Variants in LDLRAD3 observed in about 807,000 individuals in gnomAD.
LDLRAD3 encodes the protein low density lipoprotein receptor class A domain containing 3.
Under a neutral mutation model 29.4 loss-of-function variants are expected in LDLRAD3, and 20 were observed. The ratio of observed to expected loss-of-function variants is 0.68; its 90% confidence interval spans 0.48 to 0.99. The LOEUF (loss-of-function observed/expected upper bound fraction) is 0.99, where lower values mean the gene tolerates loss of function less well. LDLRAD3 is among the 50% of genes least tolerant of loss of function. LDLRAD3 has a pLI of 0.00. For missense variants in LDLRAD3, 420 were observed against 454.3 expected, an observed-to-expected ratio of 0.92 and a Z score of 0.69; for synonymous variants, 157 against 192.7, an observed-to-expected ratio of 0.81 and a Z score of 1.53.
chr11:35,997,250 G>T, intron 1 of LDLRAD3: 1 of 326,038 alleles, frequency 3.1e-6, no homozygotes, highest in South Asian at 3.1e-5. Flanking sequence ...GCAGCCATCA[G>T]CATTGCAGCT....
At chr11:36,005,905 C>T (rs1851879221) in intron 1 of LDLRAD3, among the ~76,000 whole-genome samples, 1 of 152,148 alleles carries the variant, frequency 6.6e-6, no homozygotes, top group Non-Finnish European at 1.5e-5. Context: ...TTTAAAGCAT[C>T]AGATCTCATG....
intron 2 of LDLRAD3, among the ~76,000 whole-genome samples, chr11:36,078,222 G>A (rs373847671): frequency 9.2e-5 from 14 of 152,164 alleles, no homozygotes; most frequent in African/African-American, 3.1e-4. Context: ...CCACAGCCTG[G>A]CCCTCAGGCC....
At chr11:36,049,575 G>A (rs1171228608) in intron 2 of LDLRAD3, among the ~76,000 whole-genome samples, 1 of 152,140 alleles carries the variant, frequency 6.6e-6, no homozygotes, top group Admixed American at 6.5e-5. Flanking sequence ...CTTTTGACAT[G>A]GTTAATGTCA....
chr11:36,010,598 A>T (rs1239264785), intron 1 of LDLRAD3, among the ~76,000 whole-genome samples: 1 of 152,192 alleles, frequency 6.6e-6, no homozygotes, highest in Non-Finnish European at 1.5e-5. Context: ...TATAAAGTTA[A>T]GTCCAAGTTC....
chr11:36,098,192 G>A (rs1050061225), intron 3 of LDLRAD3, 135 bp from the exon 4 acceptor site: 5 of 1,065,430 alleles, frequency 4.7e-6, no homozygotes, highest in South Asian at 3.2e-5. Context: ...TTACAGCATG[G>A]GCTTTGAGTC....
At chr11:35,968,064 G>A (rs757280024) in intron 1 of LDLRAD3, 4 of 458,952 alleles carry the variant, frequency 8.7e-6, no homozygotes, top group South Asian at 1.6e-5. Flanking sequence ...TTCTACCTCC[G>A]AGCATTCTTT....
chr11:35,959,962 A>G (rs1851256009), intron 1 of LDLRAD3, among the ~76,000 whole-genome samples: 1 of 152,148 alleles, frequency 6.6e-6, no homozygotes, highest in Admixed American at 6.5e-5. Flanking sequence ...TATTACAGAT[A>G]GAGTCAAAGA....
intron 1 of LDLRAD3, among the ~76,000 whole-genome samples, chr11:36,029,041 G>A (rs945630283): frequency 2.0e-5 from 3 of 152,134 alleles, no homozygotes; most frequent in Admixed American, 1.3e-4. Flanking sequence ...TCAGGAGATC[G>A]AGACCATCCT....
At position 35,968,520 on chromosome 11, in the gene LDLRAD3, C is replaced by T. The variant is rs145092559; in HGVS notation, c.46+24376C>T. Reference sequence around the variant, plus strand: ...TCCCGAGGTGTGTTGAGTTCATGCACGTTACTGAGAGGAGTCCTGGGCAAT... The same window carrying T: ...TCCCGAGGTGTGTTGAGTTCATGCATGTTACTGAGAGGAGTCCTGGGCAAT... On this transcript the variant is annotated intron_variant, in intron 1 of 5. Coordinates refer to ENST00000315571, the MANE Select transcript of LDLRAD3 (RefSeq NM_174902.4). 11 of 319,110 alleles carry T rather than the reference C, an allele frequency of 3.4e-5. No homozygotes were observed. In the East Asian group the frequency reaches 4.7e-4, roughly 14 times the overall value. 19.8% of individuals were successfully genotyped at this position (319,110 alleles called of 1,614,324 possible). A position where few individuals can be genotyped will look rare whatever the true frequency, so the allele number is the denominator to read the frequency against.
At chr11:36,113,126 A>G (rs1275251468) in intron 4 of LDLRAD3, among the ~76,000 whole-genome samples, 1 of 152,198 alleles carries the variant, frequency 6.6e-6, no homozygotes, top group East Asian at 1.9e-4. Context: ...GGTTTCTTCT[A>G]TGATTCTTTC....
chr11:35,968,152 C>G (rs1284750693), intron 1 of LDLRAD3: 1 of 442,700 alleles, frequency 2.3e-6, no homozygotes, highest in East Asian at 5.8e-5. Context: ...TTGCCTTCCT[C>G]TGGACCAGCT....
chr11:36,057,236 G>C (rs1397865578), intron 2 of LDLRAD3, among the ~76,000 whole-genome samples: 2 of 152,154 alleles, frequency 1.3e-5, no homozygotes, highest in African/African-American at 4.8e-5. Context: ...TGATCGTCAG[G>C]GTCCCTGGTG....
intron 3 of LDLRAD3, 44 bp downstream of exon 3, chr11:36,081,822 C>T (rs369436604): frequency 1.6e-5 from 25 of 1,608,054 alleles, no homozygotes; most frequent in African/African-American, 9.4e-5. Context: ...TGTTCTTTCC[C>T]GCCAGCCAAA....
At chr11:36,077,059 C>T (rs909386403) in intron 2 of LDLRAD3, among the ~76,000 whole-genome samples, 5 of 152,002 alleles carry the variant, frequency 3.3e-5, no homozygotes, top group Admixed American at 2.0e-4. Context: ...AAAATACTAC[C>T]GTAGTTCTAA....
chr11:36,181,306 G>T lies in LDLRAD3; in HGVS notation c.455-45779G>T, dbSNP rs114884037. Reference sequence around the variant, plus strand: ...GCCTTCCTCACTACCCCTGCTTATTGTTCTCTGTCTTTTTGCAGCTATTTT... The same window carrying T: ...GCCTTCCTCACTACCCCTGCTTATTTTTCTCTGTCTTTTTGCAGCTATTTT... On this transcript the variant is annotated intron_variant, in intron 4 of 5. Coordinates refer to ENST00000315571, the MANE Select transcript of LDLRAD3 (RefSeq NM_174902.4). 3.5e-3 allele frequency among the ~76,000 whole-genome samples: 526 copies of T among 151,634 alleles called. 1 individual carries two copies. The highest frequency in any genetic ancestry group is 0.012 in the African/African-American group (493 of 41,340).
chr11:36,092,418 G>A (rs894507768), intron 3 of LDLRAD3, among the ~76,000 whole-genome samples: 7 of 152,250 alleles, frequency 4.6e-5, no homozygotes, highest in African/African-American at 1.7e-4. Flanking sequence ...CTCAAGTGCA[G>A]TACATTTTTG....
At chr11:35,979,967 G>C (rs1228098415) in intron 1 of LDLRAD3, among the ~76,000 whole-genome samples, 1 of 152,164 alleles carries the variant, frequency 6.6e-6, no homozygotes, top group Non-Finnish European at 1.5e-5. Context: ...CTCTTTGCTA[G>C]AAATATCTAA....
chr11:36,038,321 G>A (rs1014143719), intron 2 of LDLRAD3, among the ~76,000 whole-genome samples: 16 of 152,176 alleles, frequency 1.1e-4, no homozygotes, highest in Admixed American at 2.6e-4. Flanking sequence ...GACATAGTAT[G>A]GGTGAGCTCT....
chr11:36,060,071 T>A (rs1845054986), intron 2 of LDLRAD3, among the ~76,000 whole-genome samples: 1 of 152,200 alleles, frequency 6.6e-6, no homozygotes, highest in Admixed American at 6.5e-5. Context: ...GTTATATAAC[T>A]CAGCTGGGTG....
Sources: allele counts gnomAD v4.1 joint callset (sites outside exome capture counted in the v4.1 genomes callset), GRCh38; gene constraint gnomAD v4.1.1; transcripts MANE v1.5; gene names NCBI Gene and HGNC (gene_info 2026-07-23, HGNC 2026-07-21).